PGLYRP3: variants seen among roughly 807,000 people sequenced by gnomAD.
PGLYRP3 encodes the protein peptidoglycan recognition protein I alpha.
Under a neutral mutation model 36.0 loss-of-function variants are expected in PGLYRP3, and 39 were observed. That is an observed-to-expected ratio of 1.08 (90% CI 0.84 to 1.41). The LOEUF (loss-of-function observed/expected upper bound fraction) is 1.41, where lower values mean the gene tolerates loss of function less well. Among genes scored for constraint, PGLYRP3 ranks in the 40% most tolerant of loss-of-function variants. The pLI is 0.00. For synonymous variants in PGLYRP3, 204 were observed against 172.8 expected, an observed-to-expected ratio of 1.18 and a Z score of -1.42; for missense variants, 407 against 427.9, an observed-to-expected ratio of 0.95 and a Z score of 0.43.
Position 153,311,052 on chromosome 1 carries a change from T to G in PGLYRP3, c.-41-346A>C, listed in dbSNP as rs192754320. 3.3e-5 allele frequency among the ~76,000 whole-genome samples: 5 copies of G among 152,216 alleles called. No individual in the cohort carries two copies. The East Asian group carries it at 9.7e-4, about 30-fold the overall frequency. On this transcript the variant is annotated intron_variant, in intron 1 of 7. Transcript: ENST00000683862. ...TATGAAAAAACACTGTGTATTTATT[T>G]TCATATCTAGTGGTGCAATTTCATA...
chr1:153,301,664 G>T (rs1168347986), intron 6 of PGLYRP3, among the ~76,000 whole-genome samples: 2 of 152,210 alleles, frequency 1.3e-5, no homozygotes, highest in Non-Finnish European at 2.9e-5. Context: ...GAGATAGTAG[G>T]CCCAGAACAA....
chr1:153,307,362 A>G (rs2101523602), intron 2 of PGLYRP3, 95 bp from the exon 3 acceptor site: 1 of 1,230,932 alleles, frequency 8.1e-7, no homozygotes, highest in East Asian at 2.6e-5. Context: ...CTCAGGCCCG[A>G]CCTGCCCCAT....
In PGLYRP3 at chr1:153,297,550, GGA is replaced by G. The variant is rs1659462920; in HGVS notation, c.*404_*405del. Among the ~76,000 whole-genome samples, 6 of 91,020 alleles carry G rather than the reference GGA, an allele frequency of 6.6e-5. No individual in the cohort carries two copies. The highest frequency in any genetic ancestry group is 2.2e-4 in the African/African-American group (5 of 22,992). The allele number at this position is 91,020 out of a possible 152,430, so 59.7% of individuals were successfully genotyped here. On this transcript the variant is annotated 3_prime_UTR_variant, in exon 8 of 8. Transcript: ENST00000683862. Reference sequence around the variant, plus strand: ...AGGAAGGAAGGAAGGAAGGAAGGAAGGAAAGAAAGAAAAAGAAAGAAAGAAAG... The same window carrying G: ...AGGAAGGAAGGAAGGAAGGAAGGAAGAAGAAAGAAAAAGAAAGAAAGAAAG...
intron 1 of PGLYRP3, 55 bp from the exon 2 acceptor site, chr1:153,310,761 C>T: frequency 9.0e-7 from 1 of 1,111,598 alleles, no homozygotes; most frequent in South Asian, 1.3e-5. Flanking sequence ...AGTGGAGCAC[C>T]CACCTACTAT....
Position 153,297,993 on chromosome 1 carries a change from T to C in PGLYRP3, c.989A>G (p.Tyr330Cys). Residue 330 changes from tyrosine (Y) to cysteine (C), a missense_variant, in exon 8 of 8, where the codon TAT (tyrosine) becomes TGT (cysteine). By Grantham distance (194) the Tyr-to-Cys change is radical. Transcript: ENST00000683862. ...ATGAGGCCAGGTGCTGATGATGTTA[T>C]ACAAAGCCTGCCCAGGGGACAGGAT... ...VNILSPGQAL[Y>C]NIISTWPHFK... 1 of 1,613,834 alleles carries C rather than the reference T, an allele frequency of 6.2e-7. No individual in the cohort carries two copies. Among genetic ancestry groups the C allele is most frequent in the Non-Finnish European group, 8.5e-7 (1 of 1,179,944 alleles).
chr1:153,308,619 C>G (rs1659816485), intron 2 of PGLYRP3, among the ~76,000 whole-genome samples: 1 of 152,222 alleles, frequency 6.6e-6, no homozygotes, highest in South Asian at 2.1e-4. Flanking sequence ...GGAAAATCCC[C>G]TGCAAGAGAG....
Position 153,307,054 on chromosome 1 carries a change from C to T in PGLYRP3, c.257+12G>A. 1 of 1,612,896 alleles carries T rather than the reference C, an allele frequency of 6.2e-7. No homozygotes were observed. The highest frequency in any genetic ancestry group is 8.5e-7 in the Non-Finnish European group (1 of 1,179,380). Reference sequence around the variant, plus strand: ...TTGGATGTGGGCCTCAGGGACTTGGCTAGCCTCTTACTTGTACGCCACGTC... The same window carrying T: ...TTGGATGTGGGCCTCAGGGACTTGGTTAGCCTCTTACTTGTACGCCACGTC... On this transcript the variant is annotated intron_variant, in intron 3 of 7. Transcript: ENST00000683862.
chr1:153,305,124 G>T, intron 3 of PGLYRP3, 59 bp from the exon 4 acceptor site: 1 of 1,424,964 alleles, frequency 7.0e-7, no homozygotes, highest in Non-Finnish European at 9.7e-7. Flanking sequence ...ACCTCTCACT[G>T]ATCCTCAAAA....
intron 6 of PGLYRP3, among the ~76,000 whole-genome samples, chr1:153,300,846 G>C (rs746347759): frequency 6.6e-6 from 1 of 152,164 alleles, no homozygotes; most frequent in Non-Finnish European, 1.5e-5. Flanking sequence ...GGTTCCTGTA[G>C]CATGCATATC....
intron 4 of PGLYRP3, among the ~76,000 whole-genome samples, chr1:153,304,659 CTA>C (rs1659690824): frequency 6.6e-6 from 1 of 152,224 alleles, no homozygotes; most frequent in Admixed American, 6.5e-5. Flanking sequence ...GTCACAGCAT[CTA>C]TGTCAGACAA....
intron 6 of PGLYRP3, 141 bp from the exon 7 acceptor site, chr1:153,299,372 A>G: frequency 1.4e-6 from 1 of 694,922 alleles, no homozygotes; most frequent in Non-Finnish European, 2.4e-6. Context: ...CAATGTGGAC[A>G]AGGACAGAAA....
rs953764615 is a variant in PGLYRP3, at chr1:153,303,958, T to C, written c.428A>G (p.Tyr143Cys). 1.2e-6 allele frequency: 2 copies of C among 1,613,826 alleles called. No homozygotes were observed. Among genetic ancestry groups the C allele is most frequent in the Non-Finnish European group, 8.5e-7 (1 of 1,179,880 alleles). Reference protein sequence around the residue: ...ALSAAEGLISYAIQKGHLSPR... With the variant: ...ALSAAEGLISCAIQKGHLSPR... ...CGACAGGTGACCCTTCTGGATGGCATAGGAGATCAGACCCTCTGCAGCTGA... is the reference window on the plus strand; with the variant it reads ...CGACAGGTGACCCTTCTGGATGGCACAGGAGATCAGACCCTCTGCAGCTGA... The change falls in exon 5 of 8, where the codon TAT becomes TGT. Residue 143 changes from tyrosine (Y) to cysteine (C), a missense_variant. Transcript: ENST00000683862.
chr1:153,303,516 C>T (rs1659655587), intron 5 of PGLYRP3, among the ~76,000 whole-genome samples: 1 of 152,320 alleles, frequency 6.6e-6, no homozygotes, highest in Non-Finnish European at 1.5e-5. Context: ...CACTGAAGTG[C>T]AAGCTTCCTG....
chr1:153,310,382 A>G (rs973617523), intron 2 of PGLYRP3, among the ~76,000 whole-genome samples: 1 of 152,258 alleles, frequency 6.6e-6, no homozygotes, highest in African/African-American at 2.4e-5. Context: ...TCCTTTCATC[A>G]TGGGAGCAAA....
Position 153,297,891 on chromosome 1 carries a change from G to T in PGLYRP3, c.*65C>A. ...GGACACAAGGTGCTGAGCCACCTTG[G>T]CTGGTGAGGGTTGGAGAGACCCAGC... On this transcript the variant is annotated 3_prime_UTR_variant, in exon 8 of 8. Coordinates refer to ENST00000683862, the MANE Select transcript of PGLYRP3 (RefSeq NM_052891.3). 10 of 1,562,218 alleles carry T rather than the reference G, an allele frequency of 6.4e-6. No individual in the cohort carries two copies. The highest frequency in any genetic ancestry group is 7.9e-6 in the Non-Finnish European group (9 of 1,145,204).
At position 153,297,120 on chromosome 1, in the gene PGLYRP3, C is replaced by T. The variant is rs1238874581; in HGVS notation, c.*836G>A. ...CAAGGTGAACAGGGACCTGGGTCCA[C>T]TCATTCATTTATTCATCCATTTCTT... On this transcript the variant is annotated 3_prime_UTR_variant, in exon 8 of 8. Transcript: ENST00000683862. Among the ~76,000 whole-genome samples, 10 of 152,190 alleles carry T rather than the reference C, an allele frequency of 6.6e-5. No individual in the cohort carries two copies. Among genetic ancestry groups the T allele is most frequent in the African/African-American group, 9.7e-5 (4 of 41,440 alleles).
At chr1:153,309,788 C>T (rs1659851640) in intron 2 of PGLYRP3, among the ~76,000 whole-genome samples, 1 of 152,180 alleles carries the variant, frequency 6.6e-6, no homozygotes, top group Non-Finnish European at 1.5e-5. Context: ...AACACTGACA[C>T]CTGGCAGGGC....
chr1:153,301,252 T>C (rs1420507532), intron 6 of PGLYRP3, among the ~76,000 whole-genome samples: 1 of 152,178 alleles, frequency 6.6e-6, no homozygotes, highest in East Asian at 1.9e-4. Context: ...TCTCTCTCTG[T>C]TTGTTGTTAG....
chr1:153,299,765 C>T (rs1659539870), intron 6 of PGLYRP3, among the ~76,000 whole-genome samples: 1 of 152,206 alleles, frequency 6.6e-6, no homozygotes, highest in African/African-American at 2.4e-5. Flanking sequence ...GCAAACCCAC[C>T]TTCTTCTAAA....
Sources: gnomAD v4.1 joint callset for allele counts (sites outside exome capture counted in the v4.1 genomes callset) on GRCh38, gnomAD v4.1.1 for gene constraint, MANE v1.5 for transcripts, NCBI Gene and HGNC (gene_info 2026-07-23, HGNC 2026-07-21) for gene names.